SOX5: variants seen among roughly 807,000 people sequenced by gnomAD.
SOX5 encodes the protein SRY-box transcription factor 5.
A neutral mutation model predicts 92.0 loss-of-function variants in SOX5; 9 were observed. That is an observed-to-expected ratio of 0.10 (90% CI 0.06 to 0.17). SOX5 has a LOEUF of 0.17. Ranked by LOEUF, SOX5 falls within the 10% of genes least tolerant of loss-of-function variation. SOX5 has a pLI of 1.00. For synonymous variants in SOX5, 344 were observed against 336.3 expected (o/e 1.02, Z -0.25); for missense variants, 642 against 944.5 (o/e 0.68, Z 4.20).
chr12:23,964,992 C>T (rs60195251), intron 4 of SOX5, among the ~76,000 whole-genome samples: 203 of 152,310 alleles, frequency 1.3e-3, no homozygotes, highest in African/African-American at 4.8e-3. Context: ...AGGGCTAGCG[C>T]ACAGGGGCGC....
At chr12:24,512,441 A>G (rs1226898701) in intron 1 of SOX5, among the ~76,000 whole-genome samples, 1 of 152,258 alleles carries the variant, frequency 6.6e-6, no homozygotes, top group African/African-American at 2.4e-5. Flanking sequence ...ATTTCCAGAG[A>G]TCAAAGTTTA....
At chr12:24,397,406 A>G (rs1960320841) in intron 1 of SOX5, among the ~76,000 whole-genome samples, 1 of 152,222 alleles carries the variant, frequency 6.6e-6, no homozygotes, top group Admixed American at 6.5e-5. Flanking sequence ...TACAATTTAC[A>G]GATAGTATTT....
At chr12:24,159,767 T>G (rs976223364) in intron 4 of SOX5, among the ~76,000 whole-genome samples, 2 of 151,976 alleles carry the variant, frequency 1.3e-5, no homozygotes, top group African/African-American at 4.8e-5. Flanking sequence ...CAAATATGAG[T>G]AATTGACAAG....
intron 2 of SOX5, among the ~76,000 whole-genome samples, chr12:24,306,757 G>T (rs1199073502): frequency 1.3e-5 from 2 of 152,270 alleles, no homozygotes; most frequent in South Asian, 4.2e-4. Context: ...AAGTAAGAAG[G>T]TAGGTGGGGA....
intron 1 of SOX5, among the ~76,000 whole-genome samples, chr12:24,457,166 G>A (rs773769960): frequency 3.9e-5 from 6 of 151,962 alleles, no homozygotes; most frequent in Non-Finnish European, 7.4e-5. Context: ...AGCGCAAATC[G>A]CTGTATTCAA....
chr12:24,087,963 C>A (rs1414991309), intron 4 of SOX5, among the ~76,000 whole-genome samples: 1 of 151,934 alleles, frequency 6.6e-6, no homozygotes, highest in Non-Finnish European at 1.5e-5. Flanking sequence ...GGCTCTTTAG[C>A]CCTCAACATT....
At chr12:23,821,651 AT>A (rs1395691923) in intron 3 of SOX5, among the ~76,000 whole-genome samples, 1 of 152,050 alleles carries the variant, frequency 6.6e-6, no homozygotes, top group Non-Finnish European at 1.5e-5. Context: ...CATTGGTTCT[AT>A]TTATGTGATG....
At chr12:24,271,962 A>T (rs1943802284) in intron 3 of SOX5, among the ~76,000 whole-genome samples, 1 of 105,994 alleles carries the variant, frequency 9.4e-6, no homozygotes, top group Non-Finnish European at 1.9e-5. Context: ...TTAACTTGTG[A>T]CATTTCACAC....
In SOX5 at chr12:23,893,322, T is replaced by G. The variant is rs532663482; in HGVS notation, c.270+2471A>C. Among the ~76,000 whole-genome samples the G allele has an allele frequency of 5.3e-4, 80 of 152,194 alleles. 1 individual carries two copies. Among genetic ancestry groups the G allele is most frequent in the Non-Finnish European group, 9.0e-4 (61 of 68,000 alleles). Reference sequence around the variant, plus strand: ...TTAGCTGGGCTTGGTGGCGGGGGCCTGTAATCCCAGCTACTTGGGAGGCTG... The same window carrying G: ...TTAGCTGGGCTTGGTGGCGGGGGCCGGTAATCCCAGCTACTTGGGAGGCTG... On this transcript the variant is annotated intron_variant, in intron 2 of 14. Coordinates refer to ENST00000451604, the MANE Select transcript of SOX5 (RefSeq NM_006940.6).
At chr12:23,617,732 C>T (rs1330589708) in intron 8 of SOX5, among the ~76,000 whole-genome samples, 8 of 151,974 alleles carry the variant, frequency 5.3e-5, no homozygotes, top group South Asian at 2.1e-4. Flanking sequence ...TTCAAATGCA[C>T]GGGGTTTTAA....
chr12:24,083,842 T>C (rs1359444172), intron 4 of SOX5, among the ~76,000 whole-genome samples: 2 of 152,084 alleles, frequency 1.3e-5, no homozygotes, highest in Admixed American at 6.6e-5. Context: ...GCTATTTATA[T>C]GGAATTAGGG....
intron 1 of SOX5, among the ~76,000 whole-genome samples, chr12:24,545,574 G>A (rs531402996): frequency 1.3e-5 from 2 of 152,206 alleles, no homozygotes; most frequent in Non-Finnish European, 2.9e-5. Context: ...CAGGAAAATG[G>A]CAGAATTGCA....
intron 2 of SOX5, among the ~76,000 whole-genome samples, chr12:23,862,882 C>T (rs545078053): frequency 6.6e-6 from 1 of 152,178 alleles, no homozygotes; most frequent in South Asian, 2.1e-4. Context: ...CACTGTAGGC[C>T]AAATTCTTAT....
At chr12:24,305,975 C>T (rs1948518810) in intron 2 of SOX5, among the ~76,000 whole-genome samples, 1 of 152,170 alleles carries the variant, frequency 6.6e-6, no homozygotes, top group African/African-American at 2.4e-5. Context: ...ACAAAAACAA[C>T]CCTATAGAAC....
chr12:23,540,030 GTGTTAACTAACCCC>G (rs1440117390), intron 13 of SOX5, among the ~76,000 whole-genome samples: 1 of 151,612 alleles, frequency 6.6e-6, no homozygotes, highest in African/African-American at 2.4e-5. Flanking sequence ...TGCAGCTGAG[GTGTTAACTAACCCC>G]TGAAACATAC....
At chr12:24,462,383 T>C (rs1032807440) in intron 1 of SOX5, among the ~76,000 whole-genome samples, 3 of 152,342 alleles carry the variant, frequency 2.0e-5, no homozygotes, top group South Asian at 2.1e-4. Context: ...ATGCAGTATA[T>C]GGCTGTATAT....
At chr12:24,502,581 C>A (rs966223355) in intron 1 of SOX5, among the ~76,000 whole-genome samples, 2 of 152,056 alleles carry the variant, frequency 1.3e-5, no homozygotes, top group Non-Finnish European at 2.9e-5. Flanking sequence ...GGGGGTAATA[C>A]AAAATCTCCA....
chr12:24,371,443 C>A (rs1956732337), intron 1 of SOX5, among the ~76,000 whole-genome samples: 1 of 152,174 alleles, frequency 6.6e-6, no homozygotes, highest in Non-Finnish European at 1.5e-5. Flanking sequence ...GGATTTCTGA[C>A]CTTCAGACCT....
intron 4 of SOX5, among the ~76,000 whole-genome samples, chr12:24,008,282 A>G (rs895170468): frequency 1.3e-5 from 2 of 152,204 alleles, no homozygotes; most frequent in African/African-American, 4.8e-5. Flanking sequence ...CATAGTATCA[A>G]TTATTATCAC....
Sources: allele counts gnomAD v4.1 joint callset (sites outside exome capture counted in the v4.1 genomes callset), GRCh38; gene constraint gnomAD v4.1.1; transcripts MANE v1.5; gene names NCBI Gene and HGNC (gene_info 2026-07-23, HGNC 2026-07-21).